The following ROR2 variants were observed in gnomAD, a reference collection of about 807,000 sequenced individuals.
ROR2 encodes the protein ROR family WNT receptor 2.
A neutral mutation model predicts 74.9 loss-of-function variants in ROR2; 33 were observed. That is an observed-to-expected ratio of 0.44 (90% CI 0.33 to 0.59). The LOEUF (loss-of-function observed/expected upper bound fraction) is 0.59, where lower values mean the gene tolerates loss of function less well. Among genes scored for constraint, ROR2 ranks in the 20% least tolerant of loss-of-function variants. The probability of loss-of-function intolerance (pLI) is 0.02; values close to 1 mark genes in which losing one functional copy is unlikely to be tolerated. For synonymous variants in ROR2, 586 were observed against 558.7 expected, an observed-to-expected ratio of 1.05 and a Z score of -0.69; for missense variants, 1,216 against 1,313.8, an observed-to-expected ratio of 0.93 and a Z score of 1.15.
Position 91,733,531 on chromosome 9 carries a change from C to T in ROR2, c.623-95G>A. On this transcript the variant is annotated intron_variant, in intron 5 of 8. Transcript: ENST00000375708. The surrounding 1 kb of genome is among the most constrained non-coding windows in gnomAD (Gnocchi z 5.7). The stretch of plus-strand genomic sequence containing the variant: ...CCCCCAGCCTGGCATCCCAGACTGC[C>T]CACTCAGCCCCCTGATGCCCCGCCC... 1 of 1,348,220 alleles carries T rather than the reference C, an allele frequency of 7.4e-7. No individual in the cohort carries two copies. Among genetic ancestry groups the T allele is most frequent in the East Asian group, 2.5e-5 (1 of 39,646 alleles). The allele number at this position is 1,348,220 out of a possible 1,614,324, so 83.5% of individuals were successfully genotyped here.
chr9:91,764,890 T>C (rs117634039), intron 2 of ROR2, among the ~76,000 whole-genome samples: 224 of 152,370 alleles, frequency 1.5e-3, no homozygotes, highest in Non-Finnish European at 2.6e-3. Flanking sequence ...CTGGCTTCTA[T>C]GGTGACTGTT....
chr9:91,832,696 C>T (rs1460459332), intron 1 of ROR2, among the ~76,000 whole-genome samples: 1 of 152,172 alleles, frequency 6.6e-6, no homozygotes, highest in Non-Finnish European at 1.5e-5. Context: ...ATTTCAAATG[C>T]GCCTGGTCAG....
At chr9:91,942,448 A>G (rs1257693283) in intron 1 of ROR2, among the ~76,000 whole-genome samples, 1 of 152,158 alleles carries the variant, frequency 6.6e-6, no homozygotes, top group Non-Finnish European at 1.5e-5. Context: ...TAATGAGTTT[A>G]GCACTCATTC....
intron 1 of ROR2, among the ~76,000 whole-genome samples, chr9:91,865,439 T>C (rs939605734): frequency 2.6e-5 from 4 of 152,296 alleles, no homozygotes; most frequent in Middle Eastern, 6.8e-3. Context: ...TTTCCTCCTC[T>C]ACAGAAATTA....
chr9:91,861,089 A>G (rs1340239379), intron 1 of ROR2, among the ~76,000 whole-genome samples: 1 of 152,220 alleles, frequency 6.6e-6, no homozygotes, highest in Non-Finnish European at 1.5e-5. Context: ...AACTACGAAC[A>G]TTGTTGAAAG....
intron 4 of ROR2, among the ~76,000 whole-genome samples, chr9:91,741,078 G>C (rs572016138): frequency 5.3e-4 from 81 of 152,192 alleles, no homozygotes; most frequent in African/African-American, 1.9e-3. Flanking sequence ...AAGGTGGGTG[G>C]ATCATGAGGT....
intron 1 of ROR2, among the ~76,000 whole-genome samples, chr9:91,846,508 C>T (rs1828935671): frequency 6.6e-6 from 1 of 152,142 alleles, no homozygotes; most frequent in Admixed American, 6.5e-5. Context: ...AAATCAATGT[C>T]TGCTGTTTAA....
intron 1 of ROR2, among the ~76,000 whole-genome samples, chr9:91,786,110 T>C (rs1048186373): frequency 1.5e-5 from 2 of 132,506 alleles, no homozygotes; most frequent in African/African-American, 5.7e-5. Context: ...CACTTGAGCC[T>C]AGGAGTTCAA....
chr9:91,853,188 C>T (rs930055624), intron 1 of ROR2, among the ~76,000 whole-genome samples: 2 of 152,152 alleles, frequency 1.3e-5, no homozygotes, highest in Non-Finnish European at 2.9e-5. Flanking sequence ...GGCCTGAGTC[C>T]GGAGACCAAA....
chr9:91,851,973 T>TAA (rs61049113), intron 1 of ROR2, among the ~76,000 whole-genome samples: 3,967 of 138,896 alleles, frequency 0.029, 83 homozygotes, highest in African/African-American at 0.057. Flanking sequence ...AAGACTCTGT[T>TAA]AAAAAAAAAA....
At chr9:91,732,458 T>G (rs1837275544) in intron 6 of ROR2, among the ~76,000 whole-genome samples, 1 of 152,096 alleles carries the variant, frequency 6.6e-6, no homozygotes, top group Admixed American at 6.5e-5. Context: ...GGCTCAGAAC[T>G]GTCCCCCTCC....
chr9:91,777,794 A>C (rs1826470710), intron 1 of ROR2, among the ~76,000 whole-genome samples: 1 of 152,238 alleles, frequency 6.6e-6, no homozygotes, highest in Non-Finnish European at 1.5e-5. Context: ...GAAATCATAT[A>C]ATATGCAGTA....
chr9:91,726,791 T>TA, intron 7 of ROR2, 48 bp from the exon 8 acceptor site: 1 of 1,585,234 alleles, frequency 6.3e-7, no homozygotes, highest in Non-Finnish European at 8.6e-7. Flanking sequence ...ATCCCTTTTC[T>TA]ACTCTAAGTT....
chr9:91,892,372 C>A (rs1210798869), intron 1 of ROR2, among the ~76,000 whole-genome samples: 1 of 152,168 alleles, frequency 6.6e-6, no homozygotes, highest in East Asian at 1.9e-4. Context: ...GTTCCTGGCA[C>A]CCTGGCTCCC....
intron 2 of ROR2, among the ~76,000 whole-genome samples, chr9:91,759,368 G>A (rs531730400): frequency 6.6e-6 from 1 of 152,260 alleles, no homozygotes; most frequent in Non-Finnish European, 1.5e-5. Context: ...TACTCTCCTA[G>A]CCAACCCTTT....
At chr9:91,936,164 CA>C (rs1336113647) in intron 1 of ROR2, among the ~76,000 whole-genome samples, 1 of 152,176 alleles carries the variant, frequency 6.6e-6, no homozygotes. Flanking sequence ...GGCAGAAACC[CA>C]AAAAGTAAAA....
At chr9:91,754,398 TG>T (rs1825677941) in intron 4 of ROR2, among the ~76,000 whole-genome samples, 1 of 152,120 alleles carries the variant, frequency 6.6e-6, no homozygotes, top group Non-Finnish European at 1.5e-5. Context: ...GGCTCATGCC[TG>T]TAATCTCAGC....
intron 2 of ROR2, among the ~76,000 whole-genome samples, chr9:91,766,709 A>G (rs1449953776): frequency 1.3e-5 from 2 of 152,214 alleles, no homozygotes; most frequent in Non-Finnish European, 2.9e-5. Context: ...TCCAACTCAC[A>G]AAAACATTCC....
chr9:91,834,272 G>A (rs1472406396), intron 1 of ROR2, among the ~76,000 whole-genome samples: 2 of 152,146 alleles, frequency 1.3e-5, no homozygotes, highest in Non-Finnish European at 2.9e-5. Flanking sequence ...CCCCAGCTGT[G>A]TTTCATCTCC....
Sources: gnomAD v4.1 joint callset for allele counts (sites outside exome capture counted in the v4.1 genomes callset) on GRCh38, gnomAD v4.1.1 for gene constraint, Gnocchi (gnomAD v3.1) non-coding constraint, MANE v1.5 for transcripts, NCBI Gene and HGNC (gene_info 2026-07-23, HGNC 2026-07-21) for gene names.